The following RCAN2 variants were observed in gnomAD, a reference collection of about 807,000 sequenced individuals.
The protein encoded by RCAN2 is calcipressin-2.
A neutral mutation model predicts 23.6 loss-of-function variants in RCAN2; 9 were observed. The ratio of observed to expected loss-of-function variants is 0.38; its 90% CI spans 0.23 to 0.67. The LOEUF (loss-of-function observed/expected upper bound fraction) is 0.67, where lower values mean the gene tolerates loss of function less well. RCAN2 is among the 30% of genes least tolerant of loss of function. The pLI is 0.51. For missense variants in RCAN2, 273 were observed against 302.3 expected (o/e 0.90, Z 0.72); for synonymous variants, 109 against 115.7 (o/e 0.94, Z 0.37).
chr6:46,258,940 C>CG (rs1421066006), intron 2 of RCAN2, among the ~76,000 whole-genome samples: 2 of 152,076 alleles, frequency 1.3e-5, no homozygotes, highest in African/African-American at 2.4e-5. Flanking sequence ...GGAGGCAGAG[C>CG]GGGGGTGAAT....
intron 2 of RCAN2, among the ~76,000 whole-genome samples, chr6:46,266,942 AT>A (rs11346810): frequency 0.78 from 118,984 of 152,028 alleles, 46,903 homozygotes; most frequent in Non-Finnish European, 0.83. Flanking sequence ...TTCCACCGAC[AT>A]TTAAAATCAA....
intron 1 of RCAN2, among the ~76,000 whole-genome samples, chr6:46,463,919 A>G (rs1768298630): frequency 6.6e-6 from 1 of 152,202 alleles, no homozygotes; most frequent in Admixed American, 6.5e-5. Flanking sequence ...AGAAATATAA[A>G]ACTTTTGCAA....
chr6:46,225,617 T>C (rs1765637093), intron 4 of RCAN2, among the ~76,000 whole-genome samples: 1 of 152,198 alleles, frequency 6.6e-6, no homozygotes, highest in African/African-American at 2.4e-5. Context: ...TTTTCCCACT[T>C]TTTGATGGGG....
At chr6:46,281,097 C>A (rs1008960801) in intron 2 of RCAN2, among the ~76,000 whole-genome samples, 1 of 152,050 alleles carries the variant, frequency 6.6e-6, no homozygotes, top group Non-Finnish European at 1.5e-5. Context: ...AAGGGTCAGG[C>A]AGCTGAGGTT....
At chr6:46,486,306 C>T (rs907703346) in intron 1 of RCAN2, among the ~76,000 whole-genome samples, 1 of 152,128 alleles carries the variant, frequency 6.6e-6, no homozygotes, top group Non-Finnish European at 1.5e-5. Context: ...AATGAGATAA[C>T]GTATGTAGCA....
chr6:46,335,508 A>G (rs1429157364), intron 2 of RCAN2, among the ~76,000 whole-genome samples: 2 of 152,356 alleles, frequency 1.3e-5, no homozygotes, highest in African/African-American at 2.4e-5. Context: ...GTGGGAGTCA[A>G]TCATTGGGAA....
intron 2 of RCAN2, among the ~76,000 whole-genome samples, chr6:46,380,055 CA>C (rs1336017419): frequency 1.3e-5 from 2 of 152,090 alleles, no homozygotes; most frequent in African/African-American, 4.8e-5. Flanking sequence ...GCATCAAAAG[CA>C]AAAAACTTTT....
intron 2 of RCAN2, among the ~76,000 whole-genome samples, chr6:46,416,765 G>C (rs766472384): frequency 6.6e-6 from 1 of 151,946 alleles, no homozygotes; most frequent in African/African-American, 2.4e-5. Flanking sequence ...CAAGCGATCC[G>C]CCCACCTTGG....
intron 2 of RCAN2, among the ~76,000 whole-genome samples, chr6:46,306,677 G>A (rs1409200789): frequency 6.6e-6 from 1 of 152,026 alleles, no homozygotes; most frequent in Admixed American, 6.5e-5. Context: ...CTCTATTTTG[G>A]AATTGCAGCA....
chr6:46,386,048 G>A (rs532427084), intron 2 of RCAN2, among the ~76,000 whole-genome samples: 38 of 152,068 alleles, frequency 2.5e-4, no homozygotes, highest in Non-Finnish European at 4.4e-4. Flanking sequence ...AAGAGCTTCC[G>A]CACAGCAAAA....
chr6:46,285,995 G>A (rs1762362143), intron 2 of RCAN2, among the ~76,000 whole-genome samples: 1 of 152,194 alleles, frequency 6.6e-6, no homozygotes, highest in Non-Finnish European at 1.5e-5. Context: ...AAGATGAGCT[G>A]CATGAAGCTC....
chr6:46,477,210 G>C (rs939320425), intron 1 of RCAN2, among the ~76,000 whole-genome samples: 1 of 152,056 alleles, frequency 6.6e-6, no homozygotes, highest in African/African-American at 2.4e-5. Flanking sequence ...ATGATACATG[G>C]ACTCTGTTGG....
At chr6:46,477,962 G>C (rs1185115544) in intron 1 of RCAN2, among the ~76,000 whole-genome samples, 1 of 152,214 alleles carries the variant, frequency 6.6e-6, no homozygotes, top group African/African-American at 2.4e-5. Context: ...TCTCACTGAA[G>C]ATGACAAAAG....
At chr6:46,426,140 C>T (rs1767025211) in intron 2 of RCAN2, among the ~76,000 whole-genome samples, 1 of 151,910 alleles carries the variant, frequency 6.6e-6, no homozygotes, top group Non-Finnish European at 1.5e-5. Context: ...CTCAGATGAT[C>T]CACCCCCCTC....
intron 2 of RCAN2, among the ~76,000 whole-genome samples, chr6:46,262,737 C>T (rs1270617169): frequency 6.6e-6 from 1 of 152,120 alleles, no homozygotes; most frequent in Non-Finnish European, 1.5e-5. Context: ...TATCACCCAC[C>T]CCACTAATCT....
At chr6:46,432,081 G>C (rs1767226584) in intron 2 of RCAN2, among the ~76,000 whole-genome samples, 1 of 152,140 alleles carries the variant, frequency 6.6e-6, no homozygotes, top group Non-Finnish European at 1.5e-5. Context: ...ATTACACAAT[G>C]TTCTTTAAGA....
intron 4 of RCAN2, among the ~76,000 whole-genome samples, chr6:46,225,496 T>G (rs1765631744): frequency 6.6e-6 from 1 of 151,148 alleles, no homozygotes; most frequent in Non-Finnish European, 1.5e-5. Flanking sequence ...GAGATGGTAT[T>G]TCATTGTGGT....
chr6:46,363,937 T>C (rs948980946), intron 2 of RCAN2, among the ~76,000 whole-genome samples: 4 of 152,184 alleles, frequency 2.6e-5, no homozygotes, highest in African/African-American at 9.6e-5. Flanking sequence ...ATAAATTTGG[T>C]TAATGCATGC....
At chr6:46,373,994 G>C (rs1385559806) in intron 2 of RCAN2, among the ~76,000 whole-genome samples, 1 of 152,124 alleles carries the variant, frequency 6.6e-6, no homozygotes, top group African/African-American at 2.4e-5. Flanking sequence ...GCACTTTGAG[G>C]CTGCCTGAAT....
Sources: allele counts gnomAD v4.1 joint callset (sites outside exome capture counted in the v4.1 genomes callset), GRCh38; gene constraint gnomAD v4.1.1; transcripts MANE v1.5; gene names NCBI Gene and HGNC (gene_info 2026-07-23, HGNC 2026-07-21).